The following RASEF variants were observed in gnomAD, a reference collection of about 807,000 sequenced individuals.
The protein encoded by RASEF is ras and EF-hand domain-containing protein.
Under a neutral mutation model 90.1 loss-of-function variants are expected in RASEF, and 68 were observed. That is an observed-to-expected ratio of 0.75 (90% CI 0.62 to 0.92). RASEF has a LOEUF of 0.92. RASEF is among the 40% of genes least tolerant of loss of function. The pLI, the probability that RASEF is intolerant of heterozygous loss-of-function variation, is 0.00. For synonymous variants in RASEF, 331 were observed against 345.2 expected (o/e 0.96, Z 0.46); for missense variants, 949 against 937.2 (o/e 1.01, Z -0.16).
At chr9:83,105,994 G>A in the RASEF span, among the ~76,000 whole-genome samples, 2 of 152,108 alleles carry the variant, frequency 1.3e-5, no homozygotes, top group Admixed American at 6.5e-5. Flanking sequence ...CCCTCAAAGA[G>A]ATTAACTGCA....
At chr9:83,063,541 C>T (rs116819938), upstream of RASEF, among the ~76,000 whole-genome samples, 969 of 152,330 alleles carry the variant, frequency 6.4e-3, 13 homozygotes, top group African/African-American at 0.022. Flanking sequence ...CAGAAGACCC[C>T]ATTCTCAATT....
At chr9:83,140,903 G>C in the RASEF span, among the ~76,000 whole-genome samples, 2 of 152,116 alleles carry the variant, frequency 1.3e-5, no homozygotes, top group Non-Finnish European at 2.9e-5. Flanking sequence ...AGCACTTTGG[G>C]AGACCAAGGC....
chr9:83,157,002 G>A, the RASEF span, among the ~76,000 whole-genome samples: 114 of 152,174 alleles, frequency 7.5e-4, no homozygotes, highest in Non-Finnish European at 2.8e-4. Context: ...GGACAGCATG[G>A]AGGATACTTG....
At chr9:83,041,331 T>C (rs1829838903) in intron 1 of RASEF, among the ~76,000 whole-genome samples, 1 of 152,238 alleles carries the variant, frequency 6.6e-6, no homozygotes, top group African/African-American at 2.4e-5. Flanking sequence ...AGTTTTATAA[T>C]CTACTTTTAA....
the RASEF span, among the ~76,000 whole-genome samples, chr9:83,204,903 A>G: frequency 6.6e-6 from 1 of 152,246 alleles, no homozygotes; most frequent in Non-Finnish European, 1.5e-5. Flanking sequence ...AAGCTCTTCC[A>G]TACACTGTAT....
intron 3 of RASEF, among the ~76,000 whole-genome samples, chr9:83,019,644 A>C (rs764819282): frequency 4.6e-5 from 7 of 152,216 alleles, no homozygotes; most frequent in Non-Finnish European, 8.8e-5. Flanking sequence ...ATGGCACCTT[A>C]ATTTGCAATA....
intron 4 of RASEF, among the ~76,000 whole-genome samples, chr9:83,014,403 T>C (rs796398099): frequency 2.0e-5 from 3 of 152,266 alleles, no homozygotes; most frequent in African/African-American, 7.2e-5. Flanking sequence ...CAGCTTCAAG[T>C]GATCCTTCCA....
the RASEF span, among the ~76,000 whole-genome samples, chr9:83,143,953 A>G: frequency 1.3e-5 from 2 of 152,290 alleles, no homozygotes; most frequent in East Asian, 3.9e-4. Context: ...CATACACACC[A>G]TGGAATAGTA....
the RASEF span, among the ~76,000 whole-genome samples, chr9:83,102,850 T>C: frequency 6.6e-6 from 1 of 152,080 alleles, no homozygotes; most frequent in African/African-American, 2.4e-5. Context: ...AAGGAGGTAG[T>C]TGGGGGGTAC....
At chr9:83,115,309 A>C in the RASEF span, among the ~76,000 whole-genome samples, 1 of 152,354 alleles carries the variant, frequency 6.6e-6, no homozygotes, top group Non-Finnish European at 1.5e-5. Flanking sequence ...TGTTACAAAA[A>C]CCAATATATC....
At chr9:82,999,945 C>A (rs956278516) in intron 12 of RASEF, among the ~76,000 whole-genome samples, 1 of 151,094 alleles carries the variant, frequency 6.6e-6, no homozygotes, top group Non-Finnish European at 1.5e-5. Flanking sequence ...TAAAAGCAGG[C>A]CTTGGCCAAA....
At chr9:83,169,350 TACACACACAC>T in the RASEF span, among the ~76,000 whole-genome samples, 17,872 of 145,962 alleles carry the variant, frequency 0.12, 1,176 homozygotes, top group East Asian at 0.24. Context: ...CTGATTTCCA[TACACACACAC>T]ACACACACAC....
intron 1 of RASEF, among the ~76,000 whole-genome samples, chr9:83,043,264 A>C (rs956509715): frequency 5.3e-5 from 8 of 152,204 alleles, no homozygotes; most frequent in Non-Finnish European, 1.2e-4. Context: ...GTGAAAATAA[A>C]AGTTTTAAAC....
rs1554707057 is a variant in RASEF at position 83,011,576 on chromosome 9, A to AAAAG, written c.843+857_843+858insCTTT. Among the ~76,000 whole-genome samples, 2 of 147,888 alleles carry AAAAG rather than the reference A, an allele frequency of 1.4e-5. 1 individual carries two copies. Among genetic ancestry groups the AAAAG allele is most frequent in the East Asian group, 4.0e-4 (2 of 5,058 alleles). On this transcript the variant is annotated intron_variant, in intron 5 of 16. Transcript: ENST00000376447. Reference sequence around the variant, plus strand: ...AAAAAAAAAAAAAAAAAAAAAAAAAACTGAAATTTTATAGACTCCAAAATT... The same window carrying AAAAG: ...AAAAAAAAAAAAAAAAAAAAAAAAAAAAAGCTGAAATTTTATAGACTCCAAAATT...
intron 2 of RASEF, among the ~76,000 whole-genome samples, chr9:83,023,341 T>C (rs1052769291): frequency 6.6e-6 from 1 of 152,242 alleles, no homozygotes; most frequent in Non-Finnish European, 1.5e-5. Context: ...GATTTGCATC[T>C]AAACCATGAG....
intron 4 of RASEF, among the ~76,000 whole-genome samples, chr9:83,013,350 G>A (rs1424594630): frequency 6.6e-6 from 1 of 152,168 alleles, no homozygotes; most frequent in Non-Finnish European, 1.5e-5. Context: ...TAAGTGCTTT[G>A]ATTCTGGACC....
the RASEF span, among the ~76,000 whole-genome samples, chr9:83,136,790 G>A: frequency 1.3e-5 from 2 of 151,934 alleles, no homozygotes; most frequent in Non-Finnish European, 2.9e-5. Flanking sequence ...TCCTTGCATA[G>A]TTTACACTTT....
the RASEF span, among the ~76,000 whole-genome samples, chr9:83,190,695 C>T: frequency 6.6e-6 from 1 of 152,214 alleles, no homozygotes; most frequent in East Asian, 1.9e-4. Context: ...AGGTTCCCAC[C>T]TGCATTAAAT....
At chr9:83,214,451 G>A in the RASEF span, among the ~76,000 whole-genome samples, 4 of 152,148 alleles carry the variant, frequency 2.6e-5, no homozygotes, top group South Asian at 8.3e-4. Context: ...GGATTCTAGA[G>A]TCAGGCAAAC....
Sources: allele counts gnomAD v4.1 joint callset (sites outside exome capture counted in the v4.1 genomes callset), GRCh38; gene constraint gnomAD v4.1.1; transcripts MANE v1.5; gene names NCBI Gene and HGNC (gene_info 2026-07-23, HGNC 2026-07-21).